AQP8: variants seen among roughly 807,000 people sequenced by gnomAD.
AQP8 encodes the protein aquaporin 8, also known as aquaporin-8.
Under a neutral mutation model 26.1 loss-of-function variants are expected in AQP8, and 14 were observed. The observed-to-expected ratio is 0.54, with a 90% CI of 0.35 to 0.84. AQP8 has a LOEUF of 0.84. Among genes scored for constraint, AQP8 ranks in the 40% least tolerant of loss-of-function variants. AQP8 has a pLI of 0.01. For missense variants in AQP8, 301 were observed against 340.5 expected (o/e 0.88, Z 0.91); for synonymous variants, 131 against 150.7 (o/e 0.87, Z 0.96).
At chr16:25,218,503 G>C (rs1175680091) in intron 2 of AQP8, among the ~76,000 whole-genome samples, 2 of 152,200 alleles carry the variant, frequency 1.3e-5, no homozygotes, top group Non-Finnish European at 2.9e-5. Flanking sequence ...TGGTTGGTCT[G>C]TATTAAATCT....
chr16:25,226,279 A>G (rs1962631931), intron 4 of AQP8, among the ~76,000 whole-genome samples: 2 of 151,998 alleles, frequency 1.3e-5, no homozygotes. Flanking sequence ...AGTTTTTGAG[A>G]CAGAGTCTTG....
chr16:25,219,392 G>C (rs143829696), intron 2 of AQP8, among the ~76,000 whole-genome samples: 1 of 151,400 alleles, frequency 6.6e-6, no homozygotes. Flanking sequence ...CTGGATCCAG[G>C]ATAAGCTATG....
At chr16:25,219,348 A>G (rs750257394) in intron 2 of AQP8, among the ~76,000 whole-genome samples, 4 of 151,254 alleles carry the variant, frequency 2.6e-5, no homozygotes, top group Non-Finnish European at 5.9e-5. Context: ...TTCAGCACCT[A>G]TTGCGTGCCA....
intron 2 of AQP8, among the ~76,000 whole-genome samples, chr16:25,218,308 G>C (rs2141751718): frequency 6.6e-6 from 1 of 152,288 alleles, no homozygotes; most frequent in Middle Eastern, 3.4e-3. Flanking sequence ...GATCTGCAGT[G>C]GTCCTGGCTT....
At chr16:25,227,246 T>G in intron 5 of AQP8, 44 bp downstream of exon 5, 1 of 1,612,258 alleles carries the variant, frequency 6.2e-7, no homozygotes, top group Non-Finnish European at 8.5e-7. Context: ...GATGGGCACT[T>G]GGCAACATCT....
chr16:25,222,110 G>A (rs1336143955), intron 3 of AQP8, among the ~76,000 whole-genome samples: 2 of 151,842 alleles, frequency 1.3e-5, no homozygotes, highest in Non-Finnish European at 2.9e-5. Context: ...CTGTTGTCCA[G>A]GCTGGAGTGT....
At chr16:25,226,131 T>G (rs1225575432) in intron 4 of AQP8, among the ~76,000 whole-genome samples, 2 of 152,254 alleles carry the variant, frequency 1.3e-5, no homozygotes, top group Admixed American at 6.5e-5. Flanking sequence ...CTGGGTTACA[T>G]GAGATGTTTT....
In AQP8 at chr16:25,217,369, G is replaced by C. The variant is rs1486253760; in HGVS notation, c.184G>C (p.Asp62His). 3 of 1,613,992 alleles carry C rather than the reference G, an allele frequency of 1.9e-6. No homozygotes were observed. The South Asian group carries it at 3.3e-5, about 18-fold the overall frequency. Reference protein sequence around the residue: ...GCLSVIENGTDTGLLQPALAH... With the variant: ...GCLSVIENGTHTGLLQPALAH... ...CCTGTCGGTCATTGAGAATGGGACGGACACTGGGCTGCTGCAGCCGGCCCT... is the reference window on the plus strand; with the variant it reads ...CCTGTCGGTCATTGAGAATGGGACGCACACTGGGCTGCTGCAGCCGGCCCT... Residue 62 changes from aspartate to histidine, a missense_variant, in exon 2 of 6, where the codon GAC becomes CAC. Physicochemically the swap from Asp to His is moderately conservative, Grantham distance 81. Coordinates refer to ENST00000219660, the MANE Select transcript of AQP8 (RefSeq NM_001169.3).
intron 4 of AQP8, among the ~76,000 whole-genome samples, chr16:25,225,697 C>A (rs60464967): frequency 6.6e-6 from 1 of 152,084 alleles, no homozygotes; most frequent in African/African-American, 2.4e-5. Flanking sequence ...GCTGAGCCAC[C>A]GCGCCCCGCC....
At position 25,228,488 on chromosome 16, in the gene AQP8, G is replaced by A. The variant is rs111840156; in HGVS notation, c.782G>A (p.Arg261Gln). ...AAGACCCGCCTCATCCTGAAGGCTC[G>A]GTGAAGCAGAGCTCGTGGGATTCCT... is the stretch of plus-strand genomic sequence containing the variant. ...DGKTRLILKA[R>Q] is the part of the protein sequence containing the mutation. The change falls in exon 6 of 6, where the codon CGG becomes CAG. Residue 261 changes from arginine (R) to glutamine (Q), a missense_variant. By Grantham distance (43) the Arg-to-Gln change is conservative. Coordinates refer to ENST00000219660, the MANE Select transcript of AQP8 (RefSeq NM_001169.3). 0.028 allele frequency: 45,887 copies of A among 1,613,940 alleles called. 743 individuals carry two copies. The highest frequency in any genetic ancestry group is 0.04 in the Middle Eastern group (241 of 6,058).
At chr16:25,225,508 G>T (rs1039416127) in intron 4 of AQP8, among the ~76,000 whole-genome samples, 6 of 148,730 alleles carry the variant, frequency 4.0e-5, no homozygotes, top group African/African-American at 1.5e-4. Context: ...CCGGGTTCAC[G>T]CCATTGTCCT....
intron 3 of AQP8, among the ~76,000 whole-genome samples, chr16:25,223,986 C>T (rs991103145): frequency 2.0e-5 from 3 of 152,138 alleles, no homozygotes; most frequent in Middle Eastern, 3.4e-3. Flanking sequence ...GCCACTTCAC[C>T]CCGCTAATTT....
In AQP8 at chr16:25,217,053, G is replaced by A; in HGVS notation, c.8G>A (p.Gly3Glu). 6.2e-7 allele frequency: 1 copy of A among 1,614,006 alleles called. No homozygotes were observed. The highest frequency in any genetic ancestry group is 8.5e-7 in the Non-Finnish European group (1 of 1,180,036). The change falls in exon 1 of 6, where the codon GGA becomes GAA. Residue 3 changes from glycine to glutamate, a missense_variant. Transcript: ENST00000219660. MS[G>E]EIAMCEPEFG... The stretch of plus-strand genomic sequence containing the variant: ...TTGTGCCATCTGATCCTGATGTCTG[G>A]AGAGGTGAGCCCTCTGTCGGCATCT...
chr16:25,227,060 G>A lies in AQP8; in HGVS notation c.603-8G>A. 1 of 1,613,878 alleles carries A rather than the reference G, an allele frequency of 6.2e-7. No homozygotes were observed. Among genetic ancestry groups the A allele is most frequent in the Non-Finnish European group, 8.5e-7 (1 of 1,180,016 alleles). ...ATCCTGGTGACCTTGGTGCCTGGGT[G>A]TTTGCAGGGGCCCTGTGTCTGGAGG... On this transcript the variant is annotated splice_polypyrimidine_tract_variant and splice_region_variant and intron_variant, in intron 4 of 5. Transcript: ENST00000219660.
chr16:25,227,343 C>T (rs1962649565), intron 5 of AQP8, 141 bp downstream of exon 5: 1 of 1,025,414 alleles, frequency 9.8e-7, no homozygotes, highest in South Asian at 1.7e-5. Context: ...AAGAAAATGG[C>T]TCCATCTAGG....
intron 2 of AQP8, among the ~76,000 whole-genome samples, chr16:25,218,529 T>A (rs1424681446): frequency 6.6e-6 from 1 of 152,006 alleles, no homozygotes; most frequent in African/African-American, 2.4e-5. Context: ...AAAAAATAGA[T>A]CTGAATGAGG....
Position 25,219,626 on chromosome 16 carries a change from CA to C in AQP8, c.261-1830del, listed in dbSNP as rs1156889266. Among the ~76,000 whole-genome samples the C allele has an allele frequency of 2.6e-5, 4 of 151,510 alleles. 2 individuals carry two copies. The highest frequency in any genetic ancestry group is 9.7e-5 in the African/African-American group (4 of 41,082). Reference sequence around the variant, plus strand: ...TTGGGGCTCCCCTGGGAAGCCGCCTCACCCTGACTTCATCTGTGTATCTCAG... The same window carrying C: ...TTGGGGCTCCCCTGGGAAGCCGCCTCCCCTGACTTCATCTGTGTATCTCAG... On this transcript the variant is annotated intron_variant, in intron 2 of 5. Coordinates refer to ENST00000219660, the MANE Select transcript of AQP8 (RefSeq NM_001169.3).
intron 4 of AQP8, among the ~76,000 whole-genome samples, chr16:25,226,532 C>G (rs988270696): frequency 2.6e-5 from 4 of 152,150 alleles, no homozygotes; most frequent in African/African-American, 9.7e-5. Flanking sequence ...GCTGGGATTT[C>G]AGGCATGAGC....
chr16:25,224,446 T>C lies in AQP8; in HGVS notation c.472T>C (p.Leu158=), dbSNP rs763933620. 5 of 1,613,980 alleles carry C rather than the reference T, an allele frequency of 3.1e-6. No individual in the cohort carries two copies. The highest frequency in any genetic ancestry group is 1.1e-5 in the South Asian group (1 of 91,070). ...GGAGCAGGGGCAGGTGGCAGGGGCG[T>C]TGGTGGCAGAGATCATCCTGACGAC... ...VQEQGQVAGA[L]VAEIILTTLL... Residue 158 remains leucine (L), a synonymous_variant, in exon 4 of 6, where the codon TTG becomes CTG. Transcript: ENST00000219660.
Sources: gnomAD v4.1 joint callset for allele counts (sites outside exome capture counted in the v4.1 genomes callset) on GRCh38, gnomAD v4.1.1 for gene constraint, MANE v1.5 for transcripts, NCBI Gene and HGNC (gene_info 2026-07-23, HGNC 2026-07-21) for gene names.